CPSF6: variants seen among roughly 807,000 people sequenced by gnomAD.
CPSF6 encodes the protein cleavage and polyadenylation specific factor 6.
In CPSF6, 10 loss-of-function variants were observed where a neutral mutation model predicts 56.7. The ratio of observed to expected loss-of-function variants is 0.18; its 90% CI spans 0.11 to 0.30. CPSF6 has a LOEUF of 0.30. CPSF6 is among the 10% of genes least tolerant of loss of function. The pLI is 1.00. For synonymous variants in CPSF6, 248 were observed against 244.8 expected, an observed-to-expected ratio of 1.01 and a Z score of -0.12; for missense variants, 419 against 722.9, an observed-to-expected ratio of 0.58 and a Z score of 4.82.
chr12:69,259,487 G>A lies in CPSF6; in HGVS notation c.1259G>A (p.Arg420Lys). The A allele has an allele frequency of 6.2e-7, 1 of 1,613,934 alleles. No homozygotes were observed. Among genetic ancestry groups the A allele is most frequent in the Non-Finnish European group, 8.5e-7 (1 of 1,179,886 alleles). Reference sequence around the variant, plus strand: ...GCTGAATTTGAAGAAATCATGAATAGAAATAGGGCAATCTCAAGCAGTGCT... The same window carrying A: ...GCTGAATTTGAAGAAATCATGAATAAAAATAGGGCAATCTCAAGCAGTGCT... Reference protein sequence around the residue: ...SEAEFEEIMNRNRAISSSAIS... With the variant: ...SEAEFEEIMNKNRAISSSAIS... The change falls in exon 7 of 10, where the codon AGA (arginine) becomes AAA (lysine). Residue 420 changes from arginine to lysine, a missense_variant. By Grantham distance (26) the Arg-to-Lys change is conservative. Around this residue, in one of 4 missense-constraint regions of CPSF6, gnomAD observed 81 missense variants for 193.6 expected, o/e 0.42. Transcript: ENST00000435070.
chr12:69,253,141 G>T lies in CPSF6; in HGVS notation c.361G>T (p.Gly121Cys). The T allele has an allele frequency of 6.4e-7, 1 of 1,570,524 alleles. No individual in the cohort carries two copies. The highest frequency in any genetic ancestry group is 1.2e-5 in the South Asian group (1 of 85,688). Residue 121 changes from glycine to cysteine, a missense_variant, in exon 3 of 10, where the codon GGC becomes TGC. By Grantham distance (159) the Gly-to-Cys change is radical. Coordinates refer to ENST00000435070, the MANE Select transcript of CPSF6 (RefSeq NM_007007.3). ...EIKFFENRAN[G>C]QSKGFALVGV... ...AAAATTTTTTGAAAATCGGGCAAAT[G>T]GCCAGTCAAAGGGGTAAGTTTTTTT...
intron 6 of CPSF6, 72 bp from the exon 7 acceptor site, chr12:69,259,356 T>C: frequency 6.5e-7 from 1 of 1,528,362 alleles, no homozygotes; most frequent in Non-Finnish European, 8.8e-7. Flanking sequence ...TAGTATGAAT[T>C]GCTATACACT....
intron 9 of CPSF6, among the ~76,000 whole-genome samples, chr12:69,267,567 C>T (rs1873051240): frequency 6.6e-6 from 1 of 151,800 alleles, no homozygotes; most frequent in Non-Finnish European, 1.5e-5. Flanking sequence ...TTTTTGATAT[C>T]TTTGTTGATG....
chr12:69,267,611 T>C lies in CPSF6; in HGVS notation c.*4-1901T>C, dbSNP rs183596550. Among the ~76,000 whole-genome samples the C allele has an allele frequency of 9.2e-5, 14 of 152,068 alleles. No homozygotes were observed. In the East Asian group the frequency reaches 1.9e-3, roughly 21 times the overall value. On this transcript the variant is annotated intron_variant, in intron 9 of 9. Coordinates refer to ENST00000435070, the MANE Select transcript of CPSF6 (RefSeq NM_007007.3). The stretch of plus-strand genomic sequence containing the variant: ...TACTTAGACATTTGAGAGTATAATA[T>C]GGAATTGGATTATTGGAAATGGGTT...
rs1417335329 is a variant in CPSF6, at chr12:69,271,533, A to G, written c.*2025A>G. 2 of 151,660 alleles carry G rather than the reference A, an allele frequency of 1.3e-5. No individual in the cohort carries two copies. The highest frequency in any genetic ancestry group is 1.3e-4 in the Admixed American group (2 of 15,224). The allele number at this position is 151,660 out of a possible 1,614,324, so 9.4% of individuals were successfully genotyped here. On this transcript the variant is annotated 3_prime_UTR_variant, in exon 10 of 10. Coordinates refer to ENST00000435070, the MANE Select transcript of CPSF6 (RefSeq NM_007007.3). The stretch of plus-strand genomic sequence containing the variant: ...TTAAATCCTTTATTTACCTTTTCAT[A>G]TTTTATCAATGGAACCTTTTAATTG...
intron 2 of CPSF6, among the ~76,000 whole-genome samples, chr12:69,252,613 T>C (rs919037403): frequency 1.3e-5 from 2 of 151,756 alleles, no homozygotes; most frequent in African/African-American, 4.9e-5. Flanking sequence ...GTTATAAGAG[T>C]TAGTTGATAC....
chr12:69,260,857 CT>C (rs1244794056), intron 8 of CPSF6, among the ~76,000 whole-genome samples: 1 of 152,150 alleles, frequency 6.6e-6, no homozygotes, highest in East Asian at 1.9e-4. Flanking sequence ...AAGTAATCCT[CT>C]CAGCTTGGCC....
In CPSF6 at chr12:69,273,669, TTAAAA is replaced by T. The variant is rs1873362004; in HGVS notation, c.*4165_*4169del. On this transcript the variant is annotated 3_prime_UTR_variant, in exon 10 of 10. Coordinates refer to ENST00000435070, the MANE Select transcript of CPSF6 (RefSeq NM_007007.3). Reference sequence around the variant, plus strand: ...TCAACATTCTGTAAGTTAAATTATTTTAAAATAACTATGGTGAATTCATGTTTATT... The same window carrying T: ...TCAACATTCTGTAAGTTAAATTATTTTAACTATGGTGAATTCATGTTTATT... 1 of 152,004 alleles carries T rather than the reference TTAAAA, an allele frequency of 6.6e-6. No individual in the cohort carries two copies. Among genetic ancestry groups the T allele is most frequent in the South Asian group, 2.1e-4 (1 of 4,834 alleles). The allele number at this position is 152,004 out of a possible 1,614,324, so 9.4% of individuals were successfully genotyped here. A position where few individuals can be genotyped will look rare whatever the true frequency, so the allele number is the denominator to read the frequency against.
rs1871868376 is a variant in CPSF6, at chr12:69,245,727, T to C, written c.61-5402T>C. 2.0e-5 allele frequency among the ~76,000 whole-genome samples: 3 copies of C among 152,206 alleles called. No individual in the cohort carries two copies. In the East Asian group the frequency reaches 5.8e-4, roughly 29 times the overall value. ...AGTCAGAAACTCTTAATGTGGAATT[T>C]AGTTTCTGCTCTGTCAGGCCATCAC... On this transcript the variant is annotated intron_variant, in intron 1 of 9. Coordinates refer to ENST00000435070, the MANE Select transcript of CPSF6 (RefSeq NM_007007.3).
In CPSF6 at chr12:69,258,813, T is replaced by C. The variant is rs1422930091; in HGVS notation, c.918T>C (p.Pro306=). ...PPPPVPGYGP[P]PGPPPPQQGP... ...CTCCAGTTCCAGGCTACGGCCCCCC[T>C]CCTGGCCCACCACCTCCACAACAGG... Residue 306 remains proline (P), a synonymous_variant, in exon 6 of 10, where the codon CCT becomes CCC. Transcript: ENST00000435070. The surrounding 1 kb of genome is among the most constrained non-coding windows in gnomAD (Gnocchi z 4.2). The C allele has an allele frequency of 6.2e-7, 1 of 1,613,600 alleles. No individual in the cohort carries two copies. The highest frequency in any genetic ancestry group is 8.5e-7 in the Non-Finnish European group (1 of 1,179,884).
intron 1 of CPSF6, among the ~76,000 whole-genome samples, chr12:69,240,296 C>T (rs564444537): frequency 1.3e-5 from 2 of 152,340 alleles, no homozygotes; most frequent in African/African-American, 4.8e-5. Context: ...CTCGGGTTTG[C>T]GACAGGTTTC....
chr12:69,273,317 G>C lies in CPSF6; in HGVS notation c.*3809G>C, dbSNP rs963428453. 2.4e-5 allele frequency: 7 copies of C among 297,406 alleles called. No homozygotes were observed. Among genetic ancestry groups the C allele is most frequent in the African/African-American group, 8.8e-5 (4 of 45,294 alleles). 18.4% of individuals were successfully genotyped at this position (297,406 alleles called of 1,614,324 possible). A position where few individuals can be genotyped will look rare whatever the true frequency, so the allele number is the denominator to read the frequency against. On this transcript the variant is annotated 3_prime_UTR_variant, in exon 10 of 10. Transcript: ENST00000435070. ...GGTTGTGGCATTCACTGAGTATGCA[G>C]CTACTATGGTTTTTGTATGGGACGT...
intron 1 of CPSF6, among the ~76,000 whole-genome samples, chr12:69,245,189 A>T (rs767735561): frequency 5.3e-5 from 8 of 151,614 alleles, no homozygotes; most frequent in Non-Finnish European, 8.8e-5. Flanking sequence ...AGTATTGTGT[A>T]CTGTACATAA....
At chr12:69,267,440 CCTTT>C (rs1180941219) in intron 9 of CPSF6, among the ~76,000 whole-genome samples, 2 of 151,804 alleles carry the variant, frequency 1.3e-5, no homozygotes, top group South Asian at 4.1e-4. Flanking sequence ...TTTACATAGG[CCTTT>C]CTTTTATAAT....
intron 1 of CPSF6, among the ~76,000 whole-genome samples, chr12:69,249,366 G>A (rs981136464): frequency 9.9e-5 from 15 of 151,800 alleles, no homozygotes; most frequent in Non-Finnish European, 1.9e-4. Flanking sequence ...CAGTAGCCTG[G>A]GCCCATAATA....
intron 1 of CPSF6, among the ~76,000 whole-genome samples, chr12:69,248,625 C>T (rs1357624165): frequency 1.3e-5 from 2 of 152,132 alleles, no homozygotes; most frequent in African/African-American, 4.8e-5. Flanking sequence ...TTAACAAAAA[C>T]TCATTTCTTA....
intron 9 of CPSF6, among the ~76,000 whole-genome samples, chr12:69,265,727 G>A (rs567558215): frequency 3.3e-5 from 5 of 150,714 alleles, no homozygotes; most frequent in East Asian, 2.0e-4. Context: ...CTTAGCCTCC[G>A]GAGTAGCTAG....
chr12:69,251,974 A>G, intron 2 of CPSF6: 1 of 454,950 alleles, frequency 2.2e-6, no homozygotes, highest in East Asian at 7.0e-5. Flanking sequence ...AGTTATATGT[A>G]TACTTGAAAG....
rs546848133 is a variant in CPSF6 at position 69,253,191 on chromosome 12, T to C, written c.374+37T>C. ...TTTTCTTTCTTTTTGATTTAGTAGC[T>C]AGTGATACAGTTTTTACAAGTTAAC... On this transcript the variant is annotated intron_variant, in intron 3 of 9. Transcript: ENST00000435070. The C allele has an allele frequency of 1.9e-5, 20 of 1,060,604 alleles. No individual in the cohort carries two copies. The African/African-American group carries it at 3.1e-4, about 16-fold the overall frequency. 65.7% of individuals were successfully genotyped at this position (1,060,604 alleles called of 1,614,324 possible).
Sources: gnomAD v4.1 joint callset for allele counts (sites outside exome capture counted in the v4.1 genomes callset) on GRCh38, gnomAD v4.1.1 for gene constraint, gnomAD v4.1.1 regional missense constraint, Gnocchi (gnomAD v3.1) non-coding constraint, MANE v1.5 for transcripts, NCBI Gene and HGNC (gene_info 2026-07-23, HGNC 2026-07-21) for gene names.